Variants in ABITRAM observed in about 807,000 individuals in gnomAD.
ABITRAM encodes actin binding transcription modulator.
A neutral mutation model predicts 22.9 loss-of-function variants in ABITRAM; 19 were observed. The ratio of observed to expected loss-of-function variants is 0.83; its 90% CI spans 0.58 to 1.22. The LOEUF (loss-of-function observed/expected upper bound fraction) is 1.22. Ranked by LOEUF, ABITRAM falls within the 50% of genes most tolerant of loss-of-function variation. The probability of loss-of-function intolerance (pLI) is 0.00; values close to 1 mark genes in which losing one functional copy is unlikely to be tolerated. For synonymous variants in ABITRAM, 70 were observed against 73.9 expected (o/e 0.95, Z 0.27); for missense variants, 215 against 220.2 (o/e 0.98, Z 0.15).
downstream of ABITRAM, chr9:108,943,656 A>C (rs763779451): frequency 6.6e-6 from 10 of 1,510,096 alleles, no homozygotes; most frequent in East Asian, 2.0e-4. Context: ...AGGGGCTTTA[A>C]CCAGATAAAG....
Position 108,939,474 on chromosome 9 carries a change from T to C in ABITRAM, c.408+20T>C. ...GAAAAGGTAAAAGAGAGAGAAAAAA[T>C]ATGATCTCATCCACATACCTTTTAT... On this transcript the variant is annotated intron_variant, in intron 5 of 5. Transcript: ENST00000322940. 1.9e-6 allele frequency: 3 copies of C among 1,604,916 alleles called. No homozygotes were observed. Among genetic ancestry groups the C allele is most frequent in the Non-Finnish European group, 2.5e-6 (3 of 1,177,728 alleles).
chr9:108,948,133 C>T, intron 3 of ABITRAM: 1 of 1,579,922 alleles, frequency 6.3e-7, no homozygotes, highest in Non-Finnish European at 8.7e-7. Context: ...ACATTTATTA[C>T]CCACTTTTAG....
At chr9:108,938,630 T>G (rs1053471270) in intron 3 of ABITRAM, among the ~76,000 whole-genome samples, 2 of 150,956 alleles carry the variant, frequency 1.3e-5, no homozygotes, top group Non-Finnish European at 3.0e-5. Context: ...GTGCATGTTT[T>G]TGTTTTTGTT....
chr9:108,942,103 A>C (rs1400132168), downstream of ABITRAM, among the ~76,000 whole-genome samples: 1 of 152,232 alleles, frequency 6.6e-6, no homozygotes, highest in Non-Finnish European at 1.5e-5. Flanking sequence ...CAGACTGGCC[A>C]GCTATGCTAG....
downstream of ABITRAM, chr9:108,942,757 C>T: frequency 3.2e-6 from 5 of 1,559,604 alleles, no homozygotes; most frequent in Non-Finnish European, 4.4e-6. Context: ...GAGATCTGAC[C>T]CCAAAAGCTT....
At chr9:108,943,773 T>C (rs758303330), downstream of ABITRAM, 4 of 1,613,940 alleles carry the variant, frequency 2.5e-6, no homozygotes, top group Non-Finnish European at 8.5e-7. Flanking sequence ...AGGAATTAGC[T>C]TGTTTATTTC....
intron 3 of ABITRAM, among the ~76,000 whole-genome samples, chr9:108,948,471 T>C (rs1830467837): frequency 6.6e-6 from 1 of 152,212 alleles, no homozygotes; most frequent in African/African-American, 2.4e-5. Context: ...ATAAAAAATT[T>C]TAAACAAGTA....
Position 108,934,424 on chromosome 9 carries a change from C to G in ABITRAM, c.-63C>G, listed in dbSNP as rs952759762. 2 of 1,451,362 alleles carry G rather than the reference C, an allele frequency of 1.4e-6. No homozygotes were observed. Among genetic ancestry groups the G allele is most frequent in the South Asian group, 1.3e-5 (1 of 78,276 alleles). 89.9% of individuals were successfully genotyped at this position (1,451,362 alleles called of 1,614,324 possible). On this transcript the variant is annotated 5_prime_UTR_variant, in exon 1 of 6. Transcript: ENST00000322940. Reference sequence around the variant, plus strand: ...TGTGCGCCGGAAGAGCACGCCCAGTCCGGGCTGCGCGGAGGAAGCGCTGGG... The same window carrying G: ...TGTGCGCCGGAAGAGCACGCCCAGTGCGGGCTGCGCGGAGGAAGCGCTGGG...
At chr9:108,947,200 G>A (rs189567175) in intron 3 of ABITRAM, among the ~76,000 whole-genome samples, 264 of 148,048 alleles carry the variant, frequency 1.8e-3, no homozygotes, top group African/African-American at 2.4e-3. Flanking sequence ...TGCAAGCTCC[G>A]CCTCCCGGGT....
At chr9:108,934,655 T>C (rs1181987270) in intron 1 of ABITRAM, 90 bp downstream of exon 1, 1 of 1,224,444 alleles carries the variant, frequency 8.2e-7, no homozygotes, top group South Asian at 1.4e-5. Flanking sequence ...ACGCGCGCTC[T>C]CCCTGGCTCT....
At chr9:108,936,531 T>C in intron 3 of ABITRAM, 94 bp downstream of exon 3, 1 of 1,356,184 alleles carries the variant, frequency 7.4e-7, no homozygotes. Context: ...TAGCATATGC[T>C]TAGCATACTT....
downstream of ABITRAM, chr9:108,943,587 G>C (rs887484242): frequency 1.3e-6 from 1 of 744,216 alleles, no homozygotes; most frequent in Non-Finnish European, 2.1e-6. Context: ...TGTAGACAAG[G>C]CATGAAAAAA....
chr9:108,941,932 T>C (rs902329986), downstream of ABITRAM, among the ~76,000 whole-genome samples: 5 of 152,196 alleles, frequency 3.3e-5, no homozygotes, highest in African/African-American at 9.6e-5. Flanking sequence ...TTTTGTTTTG[T>C]TTTATAGTGA....
chr9:108,944,104 G>T, downstream of ABITRAM: 2 of 1,300,226 alleles, frequency 1.5e-6, no homozygotes, highest in Non-Finnish European at 2.1e-6. Flanking sequence ...TTTTTACGTA[G>T]AATTTTAAAA....
At position 108,939,827 on chromosome 9, in the gene ABITRAM, T is replaced by C; in HGVS notation, c.*141T>C. 1 of 964,418 alleles carries C rather than the reference T, an allele frequency of 1.0e-6. No individual in the cohort carries two copies. The highest frequency in any genetic ancestry group is 1.5e-6 in the Non-Finnish European group (1 of 660,288). The allele number at this position is 964,418 out of a possible 1,614,324, so 59.7% of individuals were successfully genotyped here. On this transcript the variant is annotated 3_prime_UTR_variant, in exon 6 of 6. Transcript: ENST00000322940. ...AGGGGAGGCCTAGTGCTTCACTTAG[T>C]TTTCCCTCTCTGTCTTCATAATGAG...
At chr9:108,950,023 C>CAAA (rs145183101) in intron 3 of ABITRAM, among the ~76,000 whole-genome samples, 2 of 76,092 alleles carry the variant, frequency 2.6e-5, no homozygotes, top group African/African-American at 9.3e-5. Context: ...GGCTACATCT[C>CAAA]AAAAAAAAAA....
At position 108,934,687 on chromosome 9, in the gene ABITRAM, CT is replaced by C. The variant is rs1194646249; in HGVS notation, c.79+123del. On this transcript the variant is annotated intron_variant, in intron 1 of 5. Transcript: ENST00000322940. ...CTCTCCGTCCCCACGTCAGAAGGCA[CT>C]GGACTTCTGTGTTCCGTCTAGCCCC... is the stretch of plus-strand genomic sequence containing the variant. 5.5e-6 allele frequency: 5 copies of C among 917,380 alleles called. No individual in the cohort carries two copies. The African/African-American group carries it at 7.1e-5, about 13-fold the overall frequency. 56.8% of individuals were successfully genotyped at this position (917,380 alleles called of 1,614,324 possible). A position where few individuals can be genotyped will look rare whatever the true frequency, so the allele number is the denominator to read the frequency against.
At chr9:108,949,082 A>G (rs940053010) in intron 3 of ABITRAM, among the ~76,000 whole-genome samples, 1 of 152,230 alleles carries the variant, frequency 6.6e-6, no homozygotes, top group African/African-American at 2.4e-5. Context: ...GAATGATTAC[A>G]TGTAAATCAT....
chr9:108,948,275 T>C (rs770116679), intron 3 of ABITRAM: 1 of 1,580,554 alleles, frequency 6.3e-7, no homozygotes, highest in Admixed American at 1.8e-5. Context: ...CAAAAAGTTA[T>C]TACCTGAAAA....
Sources: allele counts gnomAD v4.1 joint callset (sites outside exome capture counted in the v4.1 genomes callset), GRCh38; gene constraint gnomAD v4.1.1; transcripts MANE v1.5; gene names NCBI Gene and HGNC (gene_info 2026-07-23, HGNC 2026-07-21).